Variants in CACNA2D2 observed in about 807,000 individuals in gnomAD.
The protein encoded by CACNA2D2 is voltage-dependent calcium channel subunit alpha-2/delta-2.
In CACNA2D2, 48 loss-of-function variants were observed where a neutral mutation model predicts 166.4. The observed-to-expected ratio is 0.29, with a 90% CI of 0.23 to 0.37. The LOEUF is 0.37. CACNA2D2 is among the 10% of genes least tolerant of loss of function. The pLI, the probability that CACNA2D2 is intolerant of heterozygous loss-of-function variation, is 1.00. For missense variants in CACNA2D2, 1,122 were observed against 1,433.0 expected (o/e 0.78, Z 3.50); for synonymous variants, 561 against 573.7 (o/e 0.98, Z 0.32).
In CACNA2D2 at chr3:50,385,789, G is replaced by A. The variant is rs587698766; in HGVS notation, c.511-1452C>T. ...GAGTGGAAGCGGCCGACTGTGAGGC[G>A]TGCGCCACTCACGTTCCGCTCAGAG... On this transcript the variant is annotated intron_variant, in intron 5 of 37. Coordinates refer to ENST00000424201, the MANE Select transcript of CACNA2D2 (RefSeq NM_006030.4). 9.8e-4 allele frequency among the ~76,000 whole-genome samples: 149 copies of A among 152,342 alleles called. 1 individual carries two copies. The Middle Eastern group carries it at 0.01, about 10-fold the overall frequency.
At chr3:50,437,576 C>T (rs1275372923) in intron 2 of CACNA2D2, among the ~76,000 whole-genome samples, 1 of 152,204 alleles carries the variant, frequency 6.6e-6, no homozygotes, top group Non-Finnish European at 1.5e-5. Flanking sequence ...TTGTTCCTGT[C>T]TTCTAGGGTG....
Position 50,375,789 on chromosome 3 carries a change from CCCCAG to C in CACNA2D2, c.1845+15_1845+19del. 6.2e-7 allele frequency: 1 copy of C among 1,612,948 alleles called. No individual in the cohort carries two copies. The highest frequency in any genetic ancestry group is 1.3e-5 in the African/African-American group (1 of 75,020). On this transcript the variant is annotated intron_variant, in intron 20 of 37. Coordinates refer to ENST00000424201, the MANE Select transcript of CACNA2D2 (RefSeq NM_006030.4). The surrounding 1 kb of genome is among the most constrained non-coding windows in gnomAD (Gnocchi z 4.0). ...AGGGTGCCCACCCTGACTCCCTGGC[CCCCAG>C]CCCTGCCTCCTTACCTCATCCAGGG...
chr3:50,422,186 C>T (rs571993004), intron 3 of CACNA2D2, among the ~76,000 whole-genome samples: 88 of 152,276 alleles, frequency 5.8e-4, no homozygotes, highest in Non-Finnish European at 6.3e-4. Context: ...GCCTCTGACC[C>T]CTCCCCTGAC....
chr3:50,373,140 A>C (rs1704749408), intron 22 of CACNA2D2: 1 of 1,485,118 alleles, frequency 6.7e-7, no homozygotes, highest in African/African-American at 1.4e-5. Flanking sequence ...CACAAACACA[A>C]AAACAAACGA....
intron 2 of CACNA2D2, among the ~76,000 whole-genome samples, chr3:50,440,331 C>T (rs938675748): frequency 9.9e-5 from 15 of 152,232 alleles, no homozygotes; most frequent in African/African-American, 3.1e-4. Flanking sequence ...AGGGGGGCTG[C>T]GTGCCACTCA....
At chr3:50,456,579 T>C (rs951606666) in intron 2 of CACNA2D2, among the ~76,000 whole-genome samples, 1 of 152,194 alleles carries the variant, frequency 6.6e-6, no homozygotes, top group African/African-American at 2.4e-5. Flanking sequence ...AGAACGACCG[T>C]TGTCTCCAGG....
At chr3:50,397,123 G>A (rs1037824842) in intron 3 of CACNA2D2, among the ~76,000 whole-genome samples, 3 of 152,208 alleles carry the variant, frequency 2.0e-5, no homozygotes, top group Admixed American at 2.0e-4. Flanking sequence ...ACAGGGCAAG[G>A]GAGACCCAGG....
chr3:50,385,456 G>A (rs1438612481), intron 5 of CACNA2D2, among the ~76,000 whole-genome samples: 2 of 152,184 alleles, frequency 1.3e-5, no homozygotes, highest in African/African-American at 4.8e-5. Context: ...ACCTGGGCAT[G>A]CCCCTCCCCT....
Position 50,373,086 on chromosome 3 carries a change from C to T in CACNA2D2, c.1984+1651G>A, listed in dbSNP as rs1469683821. The T allele has an allele frequency of 3.3e-6, 5 of 1,535,010 alleles. No individual in the cohort carries two copies. The Admixed American group carries it at 9.8e-5, about 30-fold the overall frequency. ...TTGCCCTTCAGTTTGCTGATTGGCACTGGGACAGTCCACCAAGAGAGAAAG... is the reference window on the plus strand; with the variant it reads ...TTGCCCTTCAGTTTGCTGATTGGCATTGGGACAGTCCACCAAGAGAGAAAG... On this transcript the variant is annotated intron_variant, in intron 22 of 37. Coordinates refer to ENST00000424201, the MANE Select transcript of CACNA2D2 (RefSeq NM_006030.4).
intron 2 of CACNA2D2, among the ~76,000 whole-genome samples, chr3:50,435,467 C>A (rs1708273155): frequency 6.6e-6 from 1 of 151,788 alleles, no homozygotes; most frequent in Non-Finnish European, 1.5e-5. Flanking sequence ...CACGACTGAG[C>A]CGTGCCACCA....
Position 50,427,723 on chromosome 3 carries a change from G to A in CACNA2D2, c.405+6590C>T, listed in dbSNP as rs1334626592. Among the ~76,000 whole-genome samples, 2 of 152,208 alleles carry A rather than the reference G, an allele frequency of 1.3e-5. No individual in the cohort carries two copies. Among genetic ancestry groups the A allele is most frequent in the African/African-American group, 4.8e-5 (2 of 41,446 alleles). ...CCTAGTGTGGAGTCAGATCCCAGAGGCTGAGCCCCAGCCACAACCCAGAGC... is the reference window on the plus strand; with the variant it reads ...CCTAGTGTGGAGTCAGATCCCAGAGACTGAGCCCCAGCCACAACCCAGAGC... On this transcript the variant is annotated intron_variant, in intron 3 of 37. Coordinates refer to ENST00000424201, the MANE Select transcript of CACNA2D2 (RefSeq NM_006030.4). The surrounding 1 kb of genome is among the most constrained non-coding windows in gnomAD (Gnocchi z 4.7).
intron 1 of CACNA2D2, among the ~76,000 whole-genome samples, chr3:50,486,256 AG>A (rs1200220570): frequency 2.0e-5 from 3 of 152,192 alleles, no homozygotes; most frequent in Non-Finnish European, 4.4e-5. Context: ...GGAGGAACCC[AG>A]GAGCTACAGC....
chr3:50,403,241 T>G (rs1234142837), intron 3 of CACNA2D2, among the ~76,000 whole-genome samples: 1 of 152,072 alleles, frequency 6.6e-6, no homozygotes, highest in Non-Finnish European at 1.5e-5. Context: ...GCGAACGGGA[T>G]GGGGACTCAC....
chr3:50,376,405 C>T lies in CACNA2D2; in HGVS notation c.1627-217G>A, dbSNP rs1487626963. On this transcript the variant is annotated intron_variant, in intron 17 of 37. Coordinates refer to ENST00000424201, the MANE Select transcript of CACNA2D2 (RefSeq NM_006030.4). The surrounding 1 kb of genome is among the most constrained non-coding windows in gnomAD (Gnocchi z 4.3). The stretch of plus-strand genomic sequence containing the variant: ...TGCACCAGCCCTTGCCAAGGCTAAC[C>T]GGCGTGTGGGCTGCTGCTCTGCAGT... Among the ~76,000 whole-genome samples, 1 of 152,172 alleles carries T rather than the reference C, an allele frequency of 6.6e-6. No homozygotes were observed. The highest frequency in any genetic ancestry group is 1.5e-5 in the Non-Finnish European group (1 of 68,026).
chr3:50,394,325 G>A (rs191135365), intron 3 of CACNA2D2, among the ~76,000 whole-genome samples, 157 bp from the exon 4 acceptor site: 2 of 152,108 alleles, frequency 1.3e-5, no homozygotes, highest in African/African-American at 2.4e-5. Context: ...CTCTGCCCCA[G>A]ACACTCCCCA....
At chr3:50,442,379 T>C (rs1037963547) in intron 2 of CACNA2D2, among the ~76,000 whole-genome samples, 2 of 152,208 alleles carry the variant, frequency 1.3e-5, no homozygotes, top group African/African-American at 2.4e-5. Context: ...TAGCGTAGGC[T>C]GCTGAGTGCC....
chr3:50,364,476 C>A lies in CACNA2D2; in HGVS notation c.*190G>T. On this transcript the variant is annotated 3_prime_UTR_variant, in exon 38 of 38. Transcript: ENST00000424201. ...TCGGAGGTGAGATGTGATTTGGGTGCCAAACACCTGCGGCGTCCCGCTTTG... is the reference window on the plus strand; with the variant it reads ...TCGGAGGTGAGATGTGATTTGGGTGACAAACACCTGCGGCGTCCCGCTTTG... 1.5e-6 allele frequency: 1 copy of A among 666,242 alleles called. No individual in the cohort carries two copies. The highest frequency in any genetic ancestry group is 2.5e-6 in the Non-Finnish European group (1 of 404,428). 41.3% of individuals were successfully genotyped at this position (666,242 alleles called of 1,614,324 possible). A position where few individuals can be genotyped will look rare whatever the true frequency, so the allele number is the denominator to read the frequency against.
At chr3:50,435,712 G>A (rs1708288992) in intron 2 of CACNA2D2, among the ~76,000 whole-genome samples, 1 of 152,114 alleles carries the variant, frequency 6.6e-6, no homozygotes, top group Non-Finnish European at 1.5e-5. Context: ...CAGTCCAGGG[G>A]TTAAAGCACC....
chr3:50,461,745 C>CAA (rs561980044), intron 2 of CACNA2D2, among the ~76,000 whole-genome samples: 49 of 40,510 alleles, frequency 1.2e-3, no homozygotes, highest in African/African-American at 2.4e-3. Context: ...TGGGGAGTCT[C>CAA]AAAAAAAAAA....
Sources: gnomAD v4.1 joint callset for allele counts (sites outside exome capture counted in the v4.1 genomes callset) on GRCh38, gnomAD v4.1.1 for gene constraint, Gnocchi (gnomAD v3.1) non-coding constraint, MANE v1.5 for transcripts, NCBI Gene and HGNC (gene_info 2026-07-23, HGNC 2026-07-21) for gene names.